The following HIVEP1 variants were observed in gnomAD, a reference collection of about 807,000 sequenced individuals.
HIVEP1 encodes zinc finger protein 40.
HIVEP1 carries 36 observed loss-of-function variants against 180.0 expected under a neutral mutation model. The ratio of observed to expected loss-of-function variants is 0.20; its 90% confidence interval spans 0.15 to 0.26. HIVEP1 has a LOEUF of 0.26. Among genes scored for constraint, HIVEP1 ranks in the 10% least tolerant of loss-of-function variants. The pLI is 1.00. For synonymous variants in HIVEP1, 1,239 were observed against 1,239.0 expected, an observed-to-expected ratio of 1.00 and a Z score of 0.00; for missense variants, 3,143 against 3,268.7, an observed-to-expected ratio of 0.96 and a Z score of 0.94.
At chr6:12,012,252 C>CGCGCCCCGCGCT (rs1461891575), upstream of HIVEP1, 12 of 99,134 alleles carry the variant, frequency 1.2e-4, no homozygotes, top group African/African-American at 4.6e-4. Context: ...GCCCCGCGCT[C>CGCGCCCCGCGCT]CCCCCCCCGC....
At chr6:12,208,441 G>C in the HIVEP1 span, among the ~76,000 whole-genome samples, 2 of 152,138 alleles carry the variant, frequency 1.3e-5, no homozygotes, top group Non-Finnish European at 2.9e-5. Context: ...AACCAGACTC[G>C]CGAAGTAGGA....
chr6:12,032,332 C>T (rs866339808), intron 2 of HIVEP1, among the ~76,000 whole-genome samples: 2 of 151,770 alleles, frequency 1.3e-5, no homozygotes, highest in East Asian at 3.9e-4. Flanking sequence ...TTAGTAGAGA[C>T]AGGGTTTCAC....
At chr6:12,117,681 T>G (rs1775307104) in intron 3 of HIVEP1, among the ~76,000 whole-genome samples, 1 of 152,240 alleles carries the variant, frequency 6.6e-6, no homozygotes, top group Non-Finnish European at 1.5e-5. Flanking sequence ...AAAACAGGCA[T>G]ACCTACCCTG....
At chr6:12,168,360 T>TTA (rs1562025069), downstream of HIVEP1, among the ~76,000 whole-genome samples, 11 of 103,578 alleles carry the variant, frequency 1.1e-4, no homozygotes, top group South Asian at 1.5e-3. Context: ...TATGTATATA[T>TTA]TATATACATA....
chr6:12,123,262 G>A lies in HIVEP1; in HGVS notation c.3467G>A (p.Arg1156Lys). 1.9e-6 allele frequency: 3 copies of A among 1,614,152 alleles called. No homozygotes were observed. The highest frequency in any genetic ancestry group is 2.5e-6 in the Non-Finnish European group (3 of 1,180,018). The change falls in exon 4 of 9, where the codon AGA (arginine) becomes AAA (lysine). Residue 1156 changes from arginine to lysine, a missense_variant. This residue lies in a region of HIVEP1 where 1,357 missense variants were observed against 1,260.5 expected (regional missense o/e 1.08). Transcript: ENST00000379388. ...TTTGACAAGCCTGAGCCTTTTGAAA[G>A]AGCCTCCCCAGTTTCTTTCCAGGAG... ...NSFDKPEPFE[R>K]ASPVSFQELN...
chr6:12,028,344 G>A (rs1396977198), intron 2 of HIVEP1, among the ~76,000 whole-genome samples: 1 of 152,198 alleles, frequency 6.6e-6, no homozygotes, highest in Non-Finnish European at 1.5e-5. Context: ...AGACATAAAG[G>A]CCATAATGGC....
intron 2 of HIVEP1, among the ~76,000 whole-genome samples, chr6:12,031,244 C>A (rs1768921512): frequency 6.6e-6 from 1 of 152,098 alleles, no homozygotes; most frequent in Non-Finnish European, 1.5e-5. Flanking sequence ...TCAGCTGGAC[C>A]CTCTTATGTC....
the HIVEP1 span, among the ~76,000 whole-genome samples, chr6:12,179,904 T>C: frequency 6.6e-6 from 1 of 152,074 alleles, no homozygotes; most frequent in Admixed American, 6.6e-5. Flanking sequence ...CCTGTTAATA[T>C]AAAACAAAAA....
At chr6:12,160,232 T>C (rs566016302) in intron 7 of HIVEP1, among the ~76,000 whole-genome samples, 58 of 152,360 alleles carry the variant, frequency 3.8e-4, no homozygotes, top group African/African-American at 1.3e-3. Context: ...CATGAGCTTA[T>C]GAGATTTTTG....
In HIVEP1 at chr6:12,119,917, C is replaced by T. The variant is rs1775458873; in HGVS notation, c.122C>T (p.Thr41Ile). Residue 41 changes from threonine to isoleucine, a missense_variant, in exon 4 of 9, where the codon ACT becomes ATT. Physicochemically the swap from Thr to Ile is moderately conservative, Grantham distance 89. Transcript: ENST00000379388. ...KEILQAGVKG[T>I]SESLKGVKRK... ...ATCTTACAGGCTGGTGTTAAAGGAA[C>T]TTCGGAATCCCTTAAAGGTGTGAAA... is the stretch of plus-strand genomic sequence containing the variant. 2 of 1,571,304 alleles carry T rather than the reference C, an allele frequency of 1.3e-6. No homozygotes were observed. Among genetic ancestry groups the T allele is most frequent in the Non-Finnish European group, 1.7e-6 (2 of 1,165,840 alleles).
intron 2 of HIVEP1, among the ~76,000 whole-genome samples, chr6:12,079,354 T>C (rs1285189238): frequency 6.6e-6 from 1 of 152,210 alleles, no homozygotes; most frequent in Non-Finnish European, 1.5e-5. Flanking sequence ...GATCTATTTT[T>C]GGTTTAATAC....
In HIVEP1 at chr6:12,124,398, A is replaced by G; in HGVS notation, c.4603A>G (p.Thr1535Ala). The G allele has an allele frequency of 6.2e-7, 1 of 1,614,110 alleles. No individual in the cohort carries two copies. Among genetic ancestry groups the G allele is most frequent in the Non-Finnish European group, 8.5e-7 (1 of 1,179,988 alleles). The change falls in exon 4 of 9, where the codon ACG (threonine) becomes GCG (alanine). Residue 1535 changes from threonine to alanine, a missense_variant. By Grantham distance (58) the Thr-to-Ala change is moderately conservative (BLOSUM62 0). Around this residue, in one of 12 missense-constraint regions of HIVEP1, gnomAD observed 1,357 missense variants for 1,260.5 expected, o/e 1.08. Transcript: ENST00000379388. ...QSTQLSLQVS[T>A]QGSKPDKNSV... is the part of the protein sequence containing the mutation. The stretch of plus-strand genomic sequence containing the variant: ...CACACAGCTATCTCTGCAAGTGTCT[A>G]CGCAGGGTAGCAAGCCAGATAAAAA...
At chr6:12,158,710 G>A (rs2113676973) in intron 7 of HIVEP1, among the ~76,000 whole-genome samples, 1 of 152,260 alleles carries the variant, frequency 6.6e-6, no homozygotes. Flanking sequence ...CAAGGAGACA[G>A]GTTGTATGTG....
At position 12,120,553 on chromosome 6, in the gene HIVEP1, C is replaced by T. The variant is rs1388167814; in HGVS notation, c.758C>T (p.Ala253Val). The change falls in exon 4 of 9, where the codon GCT becomes GTT. Residue 253 changes from alanine to valine, a missense_variant. Ala to Val is a moderately conservative substitution (Grantham distance 64). Coordinates refer to ENST00000379388, the MANE Select transcript of HIVEP1 (RefSeq NM_002114.4). Reference sequence around the variant, plus strand: ...AATCAGACTTCACAGGAATTGGTTGCTGAATCACAGTCTTCTTGTACCTCA... The same window carrying T: ...AATCAGACTTCACAGGAATTGGTTGTTGAATCACAGTCTTCTTGTACCTCA... ...APNQTSQELV[A>V]ESQSSCTSYT... is the part of the protein sequence containing the mutation. 6.2e-7 allele frequency: 1 copy of T among 1,614,208 alleles called. No homozygotes were observed. Among genetic ancestry groups the T allele is most frequent in the Admixed American group, 1.7e-5 (1 of 60,030 alleles).
chr6:12,057,592 A>G (rs1770962803), intron 2 of HIVEP1, among the ~76,000 whole-genome samples: 2 of 152,306 alleles, frequency 1.3e-5, no homozygotes, highest in South Asian at 4.1e-4. Context: ...ACTCTCAGAG[A>G]TGATGACTGT....
At chr6:12,041,702 C>T (rs1316018519) in intron 2 of HIVEP1, among the ~76,000 whole-genome samples, 2 of 152,018 alleles carry the variant, frequency 1.3e-5, no homozygotes, top group South Asian at 2.1e-4. Flanking sequence ...CTCGCTCTCT[C>T]GCCCAGGCTG....
upstream of HIVEP1, among the ~76,000 whole-genome samples, chr6:12,010,842 G>A (rs1767237586): frequency 6.6e-6 from 1 of 152,102 alleles, no homozygotes; most frequent in African/African-American, 2.4e-5. Context: ...AGCAGCCGGG[G>A]TCACACCTTG....
intron 2 of HIVEP1, among the ~76,000 whole-genome samples, chr6:12,028,262 C>T (rs371671366): frequency 5.9e-5 from 9 of 152,308 alleles, no homozygotes; most frequent in East Asian, 5.8e-4. Context: ...TTCTGTGGCC[C>T]GGCTCTGAGG....
intron 2 of HIVEP1, among the ~76,000 whole-genome samples, chr6:12,050,650 A>C (rs1346165853): frequency 6.6e-6 from 1 of 151,658 alleles, no homozygotes; most frequent in Non-Finnish European, 1.5e-5. Context: ...TCCTCTCCTC[A>C]AGAATCATAA....
Sources: allele counts gnomAD v4.1 joint callset (sites outside exome capture counted in the v4.1 genomes callset), GRCh38; gene constraint gnomAD v4.1.1; regional missense constraint gnomAD v4.1.1; transcripts MANE v1.5; gene names NCBI Gene and HGNC (gene_info 2026-07-23, HGNC 2026-07-21).